Variants in HTR1F observed in about 807,000 individuals in gnomAD.
HTR1F encodes the protein 5-hydroxytryptamine receptor 1F, also known as 5-hydroxytryptamine (serotonin) receptor 1F, G protein-coupled.
A neutral mutation model predicts 24.0 loss-of-function variants in HTR1F; 17 were observed. The ratio of observed to expected loss-of-function variants is 0.71; its 90% CI spans 0.48 to 1.06. The LOEUF (loss-of-function observed/expected upper bound fraction) is 1.06, where lower values mean the gene tolerates loss of function less well. Ranked by LOEUF, HTR1F falls within the 50% of genes least tolerant of loss-of-function variation. HTR1F has a pLI of 0.00. For synonymous variants in HTR1F, 186 were observed against 156.8 expected, an observed-to-expected ratio of 1.19 and a Z score of -1.39; for missense variants, 391 against 427.8, an observed-to-expected ratio of 0.91 and a Z score of 0.76.
At chr3:87,862,615 ACGTGTCT>A (rs1460896373) in intron 2 of HTR1F, among the ~76,000 whole-genome samples, 2 of 152,144 alleles carry the variant, frequency 1.3e-5, no homozygotes, top group African/African-American at 2.4e-5. Context: ...TCCATTAGAC[ACGTGTCT>A]TTTCCATGGA....
At chr3:87,817,705 A>G (rs1704276205) in intron 1 of HTR1F, among the ~76,000 whole-genome samples, 1 of 152,218 alleles carries the variant, frequency 6.6e-6, no homozygotes, top group Non-Finnish European at 1.5e-5. Flanking sequence ...GCAATCTTTT[A>G]GATGCCTTTA....
intron 2 of HTR1F, among the ~76,000 whole-genome samples, chr3:87,890,512 T>C (rs1706055418): frequency 1.3e-5 from 2 of 149,596 alleles, no homozygotes; most frequent in Non-Finnish European, 3.0e-5. Context: ...AACTATCCTC[T>C]CCAGAAGGTG....
intron 2 of HTR1F, among the ~76,000 whole-genome samples, chr3:87,894,856 T>C (rs1176511540): frequency 1.3e-5 from 2 of 152,052 alleles, no homozygotes; most frequent in Admixed American, 1.3e-4. Context: ...CAAATAAGAA[T>C]GGCTACACAA....
intron 2 of HTR1F, among the ~76,000 whole-genome samples, chr3:87,849,793 C>T (rs932849890): frequency 5.9e-5 from 9 of 151,824 alleles, no homozygotes; most frequent in Non-Finnish European, 1.0e-4. Context: ...AAAAAGTGGG[C>T]GAAAGATATG....
At chr3:87,877,449 G>A (rs1408522166) in intron 2 of HTR1F, among the ~76,000 whole-genome samples, 4 of 151,688 alleles carry the variant, frequency 2.6e-5, no homozygotes, top group Non-Finnish European at 5.9e-5. Context: ...TATAAATGGG[G>A]GATTACTAGT....
chr3:87,858,965 G>A (rs1304964124), intron 2 of HTR1F, among the ~76,000 whole-genome samples: 1 of 152,186 alleles, frequency 6.6e-6, no homozygotes, highest in Non-Finnish European at 1.5e-5. Flanking sequence ...GGAGGCCAAG[G>A]AGGGTGGATC....
At position 87,883,758 on chromosome 3, in the gene HTR1F, A is replaced by G. The variant is rs562227400; in HGVS notation, c.-43+61634A>G. Among the ~76,000 whole-genome samples the G allele has an allele frequency of 3.3e-5, 5 of 152,320 alleles. No individual in the cohort carries two copies. The East Asian group carries it at 9.6e-4, about 29-fold the overall frequency. ...AAAGGATATCAGTGATTGAATATCA[A>G]ATCAATGAAATAAAGCAAGAAGACA... On this transcript the variant is annotated intron_variant, in intron 2 of 2. Coordinates refer to ENST00000319595, the MANE Select transcript of HTR1F (RefSeq NM_001322209.2).
chr3:87,931,096 C>T (rs965344365), intron 2 of HTR1F, among the ~76,000 whole-genome samples: 1 of 147,128 alleles, frequency 6.8e-6, no homozygotes, highest in Non-Finnish European at 1.5e-5. Context: ...TACATGTGCA[C>T]AATGTGCAGG....
intron 2 of HTR1F, among the ~76,000 whole-genome samples, chr3:87,931,579 G>T (rs1049275911): frequency 3.3e-5 from 5 of 152,144 alleles, no homozygotes; most frequent in African/African-American, 1.2e-4. Context: ...TGGGATGGCT[G>T]GATCAAATGG....
At chr3:87,865,281 T>C (rs1705402645) in intron 2 of HTR1F, among the ~76,000 whole-genome samples, 1 of 152,188 alleles carries the variant, frequency 6.6e-6, no homozygotes. Flanking sequence ...CAGTCTCTCT[T>C]GCTATCAGAT....
At chr3:87,967,307 G>A (rs147228119) in intron 2 of HTR1F, among the ~76,000 whole-genome samples, 3,817 of 152,008 alleles carry the variant, frequency 0.025, 176 homozygotes, top group African/African-American at 0.085. Context: ...AAAATTAGCC[G>A]GGCATGGTGG....
At chr3:87,805,041 C>G in intron 1 of HTR1F, among the ~76,000 whole-genome samples, 1 of 152,004 alleles carries the variant, frequency 6.6e-6, no homozygotes, top group East Asian at 1.9e-4. Flanking sequence ...GAAAGTCATT[C>G]TATCCCCACT....
chr3:87,921,062 T>C (rs1319842527), intron 2 of HTR1F, among the ~76,000 whole-genome samples: 1 of 151,946 alleles, frequency 6.6e-6, no homozygotes, highest in Non-Finnish European at 1.5e-5. Context: ...GAGTCAGTGT[T>C]TCATTATAAC....
Position 87,810,983 on chromosome 3 carries a change from T to A in HTR1F, c.-159-11025T>A, listed in dbSNP as rs556780052. 2.0e-4 allele frequency among the ~76,000 whole-genome samples: 31 copies of A among 152,342 alleles called. No individual in the cohort carries two copies. In the South Asian group the frequency reaches 3.5e-3, roughly 17 times the overall value. On this transcript the variant is annotated intron_variant, in intron 1 of 2. Transcript: ENST00000319595. ...AGAATATTAAAACTTTCTATTGCTA[T>A]TCCCCAGATAACTTGACTTTGTTTT...
At chr3:87,844,561 T>G (rs1242664656) in intron 2 of HTR1F, among the ~76,000 whole-genome samples, 2 of 128,446 alleles carry the variant, frequency 1.6e-5, no homozygotes, top group African/African-American at 6.9e-5. Context: ...TTTTGGCTTT[T>G]GTTGCCATTG....
intron 2 of HTR1F, among the ~76,000 whole-genome samples, chr3:87,937,846 C>A (rs1000883671): frequency 6.6e-6 from 1 of 151,558 alleles, no homozygotes; most frequent in African/African-American, 2.4e-5. Flanking sequence ...ATCGCTTGAA[C>A]CCAGGAGGCA....
At chr3:87,840,454 A>G (rs1704777273) in intron 2 of HTR1F, among the ~76,000 whole-genome samples, 1 of 152,158 alleles carries the variant, frequency 6.6e-6, no homozygotes, top group Admixed American at 6.6e-5. Flanking sequence ...GAGAAAAGGG[A>G]AGCTTTATAC....
intron 2 of HTR1F, among the ~76,000 whole-genome samples, chr3:87,906,091 G>GA (rs1340703394): frequency 1.1e-4 from 17 of 151,940 alleles, no homozygotes; most frequent in African/African-American, 3.6e-4. Context: ...AGTAAAAAGA[G>GA]AAAAAATACA....
chr3:87,849,935 G>A (rs1444564046), intron 2 of HTR1F, among the ~76,000 whole-genome samples: 2 of 151,744 alleles, frequency 1.3e-5, no homozygotes, highest in South Asian at 2.1e-4. Context: ...TTAGAATGAT[G>A]ATCATTAAAA....
Sources: allele counts gnomAD v4.1 joint callset (sites outside exome capture counted in the v4.1 genomes callset), GRCh38; gene constraint gnomAD v4.1.1; transcripts MANE v1.5; gene names NCBI Gene and HGNC (gene_info 2026-07-23, HGNC 2026-07-21).